COG5: variants seen among roughly 807,000 people sequenced by gnomAD.
COG5 encodes the protein conserved oligomeric Golgi complex subunit 5.
A neutral mutation model predicts 110.4 loss-of-function variants in COG5; 86 were observed. The observed-to-expected ratio is 0.78, with a 90% CI of 0.65 to 0.93. The LOEUF (loss-of-function observed/expected upper bound fraction) is 0.93, where lower values mean the gene tolerates loss of function less well. Ranked by LOEUF, COG5 falls within the 40% of genes least tolerant of loss-of-function variation. The pLI is 0.00. For missense variants in COG5, 1,077 were observed against 987.0 expected (o/e 1.09, Z -1.22); for synonymous variants, 360 against 334.6 (o/e 1.08, Z -0.83).
At chr7:107,501,404 T>A (rs992608749) in intron 6 of COG5, among the ~76,000 whole-genome samples, 17 of 151,992 alleles carry the variant, frequency 1.1e-4, no homozygotes, top group Non-Finnish European at 7.4e-5. Flanking sequence ...CAGCAAGGGG[T>A]GATAGCAAGG....
intron 6 of COG5, among the ~76,000 whole-genome samples, chr7:107,449,879 G>A (rs534888982): frequency 5.9e-5 from 9 of 152,220 alleles, no homozygotes; most frequent in African/African-American, 1.9e-4. Flanking sequence ...TTTTATGTGG[G>A]TGCATGATTG....
intron 12 of COG5, among the ~76,000 whole-genome samples, chr7:107,294,835 C>A (rs1457035335): frequency 7.2e-6 from 1 of 138,992 alleles, no homozygotes; most frequent in African/African-American, 2.7e-5. Flanking sequence ...CCTGCCTCAG[C>A]CTTCTGAGTA....
intron 8 of COG5, among the ~76,000 whole-genome samples, chr7:107,370,362 T>C (rs1814028034): frequency 6.6e-6 from 1 of 152,218 alleles, no homozygotes; most frequent in South Asian, 2.1e-4. Flanking sequence ...TGGAAGTTAC[T>C]GACCTCATGC....
intron 6 of COG5, among the ~76,000 whole-genome samples, chr7:107,426,386 G>A (rs1466987753): frequency 1.3e-5 from 2 of 152,150 alleles, no homozygotes; most frequent in Admixed American, 1.3e-4. Context: ...CGCAAATGGT[G>A]TTTGTCTTAG....
chr7:107,412,111 C>T (rs1792345709), intron 7 of COG5, among the ~76,000 whole-genome samples: 1 of 152,090 alleles, frequency 6.6e-6, no homozygotes, highest in Non-Finnish European at 1.5e-5. Context: ...TTTTCAACAA[C>T]TTATTTAAGC....
intron 21 of COG5, 152 bp from the exon 22 acceptor site, chr7:107,203,782 G>A: frequency 6.1e-6 from 4 of 650,812 alleles, no homozygotes; most frequent in Non-Finnish European, 8.2e-6. Flanking sequence ...CCTTCACTCA[G>A]TTACTGGTAG....
chr7:107,415,388 G>C (rs1268019995), intron 6 of COG5, among the ~76,000 whole-genome samples: 1 of 152,098 alleles, frequency 6.6e-6, no homozygotes, highest in Non-Finnish European at 1.5e-5. Context: ...AATGAGGCCA[G>C]GAAGAAGGCA....
At chr7:107,382,539 G>A (rs187867964) in intron 7 of COG5, among the ~76,000 whole-genome samples, 82 of 152,228 alleles carry the variant, frequency 5.4e-4, no homozygotes, top group African/African-American at 1.8e-3. Flanking sequence ...GGGTTCAAGC[G>A]ATTCTCCTCT....
intron 2 of COG5, among the ~76,000 whole-genome samples, chr7:107,557,253 C>T (rs1414469572): frequency 6.6e-6 from 1 of 152,100 alleles, no homozygotes; most frequent in African/African-American, 2.4e-5. Flanking sequence ...TCCTGGTAAA[C>T]AATCTATGTT....
chr7:107,236,879 G>A (rs1248808413), intron 17 of COG5, among the ~76,000 whole-genome samples, 192 bp from the exon 18 acceptor site: 1 of 152,148 alleles, frequency 6.6e-6, no homozygotes, highest in Non-Finnish European at 1.5e-5. Flanking sequence ...TTCAAAAAGT[G>A]GTTTAGATGC....
At chr7:107,446,625 GTCTC>G (rs142995574) in intron 6 of COG5, among the ~76,000 whole-genome samples, 1 of 151,670 alleles carries the variant, frequency 6.6e-6, no homozygotes, top group Non-Finnish European at 1.5e-5. Flanking sequence ...TGCTCTCACT[GTCTC>G]TCTCTCTCTC....
chr7:107,417,178 G>A (rs1247634010), intron 6 of COG5, among the ~76,000 whole-genome samples: 1 of 152,116 alleles, frequency 6.6e-6, no homozygotes, highest in Non-Finnish European at 1.5e-5. Context: ...TTTATAAAGA[G>A]CACCATACAA....
intron 11 of COG5, among the ~76,000 whole-genome samples, chr7:107,301,486 T>C (rs1280637129): frequency 6.6e-6 from 1 of 152,008 alleles, no homozygotes. Flanking sequence ...ATGAAAAAAA[T>C]ACTCAACCTC....
At chr7:107,428,494 C>T (rs199791021) in intron 6 of COG5, among the ~76,000 whole-genome samples, 1 of 151,992 alleles carries the variant, frequency 6.6e-6, no homozygotes, top group East Asian at 1.9e-4. Context: ...CAAGAATGAC[C>T]ACAATCACCA....
intron 11 of COG5, among the ~76,000 whole-genome samples, chr7:107,311,819 CT>C (rs954177543): frequency 7.3e-5 from 11 of 149,712 alleles, no homozygotes; most frequent in Admixed American, 2.7e-4. Context: ...GTCATTTTTC[CT>C]TTTTTTTTGC....
At chr7:107,514,363 CACACACAT>C (rs1365816565) in intron 6 of COG5, among the ~76,000 whole-genome samples, 19 of 138,590 alleles carry the variant, frequency 1.4e-4, no homozygotes, top group Admixed American at 4.3e-4. Context: ...CACACACACA[CACACACAT>C]ATTTTATATT....
At chr7:107,461,091 T>C (rs1415975155) in intron 6 of COG5, among the ~76,000 whole-genome samples, 1 of 152,086 alleles carries the variant, frequency 6.6e-6, no homozygotes, top group Non-Finnish European at 1.5e-5. Flanking sequence ...TTCAACTCAC[T>C]GGAGTCCAGC....
chr7:107,479,167 T>A (rs1342273482), intron 6 of COG5, among the ~76,000 whole-genome samples: 1 of 152,046 alleles, frequency 6.6e-6, no homozygotes, highest in Non-Finnish European at 1.5e-5. Context: ...AAGAAAGGGA[T>A]CATGTTGAAT....
At chr7:107,217,923 AT>A (rs1799639832) in intron 19 of COG5, among the ~76,000 whole-genome samples, 1 of 152,068 alleles carries the variant, frequency 6.6e-6, no homozygotes, top group Admixed American at 6.5e-5. Context: ...AAGACATGAA[AT>A]ATTACCTGCT....
Sources: allele counts gnomAD v4.1 joint callset (sites outside exome capture counted in the v4.1 genomes callset), GRCh38; gene constraint gnomAD v4.1.1; transcripts MANE v1.5; gene names NCBI Gene and HGNC (gene_info 2026-07-23, HGNC 2026-07-21).